Variants in DPF3 observed in about 807,000 individuals in gnomAD.
DPF3 encodes the protein zinc finger protein DPF3.
DPF3 carries 18 observed loss-of-function variants against 56.8 expected under a neutral mutation model. The observed-to-expected ratio is 0.32, with a 90% CI of 0.22 to 0.47. DPF3 has a LOEUF of 0.47. Ranked by LOEUF, DPF3 falls within the 20% of genes least tolerant of loss-of-function variation. The probability of loss-of-function intolerance (pLI) is 1.00; values close to 1 mark genes in which losing one functional copy is unlikely to be tolerated. For missense variants in DPF3, 403 were observed against 488.8 expected (o/e 0.82, Z 1.65); for synonymous variants, 188 against 180.2 (o/e 1.04, Z -0.35).
At chr14:72,834,356 G>T (rs956955197) in intron 1 of DPF3, among the ~76,000 whole-genome samples, 2 of 151,914 alleles carry the variant, frequency 1.3e-5, no homozygotes, top group Non-Finnish European at 2.9e-5. Context: ...AATTAGCTGG[G>T]CATGGTGGCA....
intron 6 of DPF3, among the ~76,000 whole-genome samples, chr14:72,701,606 G>A (rs1213166538): frequency 6.6e-6 from 1 of 152,216 alleles, no homozygotes; most frequent in Admixed American, 6.5e-5. Context: ...CAAAGCCGCT[G>A]CAGCAGACAG....
chr14:72,879,490 T>A (rs1397505027), intron 1 of DPF3, among the ~76,000 whole-genome samples: 6 of 151,312 alleles, frequency 4.0e-5, no homozygotes, highest in Non-Finnish European at 7.4e-5. Context: ...GAGAGAAGAG[T>A]ATGTTCAGCT....
intron 1 of DPF3, among the ~76,000 whole-genome samples, chr14:72,782,863 T>C (rs1011805308): frequency 6.6e-6 from 1 of 150,938 alleles, no homozygotes; most frequent in Non-Finnish European, 1.5e-5. Context: ...AATCAGGCCA[T>C]GGCATTCTCT....
At chr14:72,679,557 C>G (rs1056297574) in intron 7 of DPF3, among the ~76,000 whole-genome samples, 1 of 152,188 alleles carries the variant, frequency 6.6e-6, no homozygotes, top group African/African-American at 2.4e-5. Flanking sequence ...TGAGCAGAGC[C>G]CTCTGGGAAG....
chr14:72,736,943 C>G (rs1030212549), intron 3 of DPF3, among the ~76,000 whole-genome samples: 5 of 151,878 alleles, frequency 3.3e-5, no homozygotes, highest in African/African-American at 1.2e-4. Context: ...GTTACTCTCT[C>G]CAGAGCGGCA....
At chr14:72,695,595 G>T (rs547223914) in intron 6 of DPF3, among the ~76,000 whole-genome samples, 51 of 152,276 alleles carry the variant, frequency 3.3e-4, no homozygotes, top group African/African-American at 1.2e-3. Context: ...CAAAGGACAT[G>T]ATTTTGTTCT....
intron 8 of DPF3, among the ~76,000 whole-genome samples, chr14:72,631,912 A>C (rs1198829959): frequency 2.0e-5 from 3 of 152,246 alleles, no homozygotes; most frequent in Admixed American, 6.5e-5. Flanking sequence ...TTAAGCTGAT[A>C]TGTGTCAGAT....
intron 8 of DPF3, among the ~76,000 whole-genome samples, chr14:72,653,870 G>A (rs1482285397): frequency 6.6e-6 from 1 of 152,140 alleles, no homozygotes; most frequent in Non-Finnish European, 1.5e-5. Context: ...TTTATCAGTT[G>A]GGTAAATATC....
intron 7 of DPF3, among the ~76,000 whole-genome samples, chr14:72,685,762 C>T (rs1205818786): frequency 6.6e-6 from 1 of 152,212 alleles, no homozygotes; most frequent in African/African-American, 2.4e-5. Flanking sequence ...GTACCATTGC[C>T]ACTGTTGCTG....
intron 1 of DPF3, among the ~76,000 whole-genome samples, chr14:72,804,846 C>A (rs1055978954): frequency 1.3e-5 from 2 of 152,102 alleles, no homozygotes; most frequent in Admixed American, 1.3e-4. Context: ...TCATGGAAGA[C>A]AGAGACAAGA....
At chr14:72,717,330 T>C (rs1249224526) in intron 5 of DPF3, among the ~76,000 whole-genome samples, 2 of 152,224 alleles carry the variant, frequency 1.3e-5, no homozygotes, top group East Asian at 3.9e-4. Flanking sequence ...AACTGTAAAA[T>C]GAGCACACCA....
chr14:72,737,210 C>CA lies in DPF3; in HGVS notation c.302-5277dup, dbSNP rs991802363. 6.1e-3 allele frequency among the ~76,000 whole-genome samples: 905 copies of CA among 149,064 alleles called. 14 individuals are homozygous for CA. Among genetic ancestry groups the CA allele is most frequent in the African/African-American group, 0.021 (837 of 40,784 alleles). ...AAAAGCAAAAAAACAAACAAACAAACAAAAAAAACCACACACACACACAGA... is the reference window on the plus strand; with the variant it reads ...AAAAGCAAAAAAACAAACAAACAAACAAAAAAAAACCACACACACACACAGA... On this transcript the variant is annotated intron_variant, in intron 3 of 10. Coordinates refer to ENST00000556509, the MANE Select transcript of DPF3 (RefSeq NM_001280542.3).
intron 7 of DPF3, among the ~76,000 whole-genome samples, chr14:72,676,225 A>G (rs1227057654): frequency 6.6e-6 from 1 of 152,214 alleles, no homozygotes; most frequent in East Asian, 1.9e-4. Context: ...TAGATATAAA[A>G]TGTGGAGATG....
At position 72,803,440 on chromosome 14, in the gene DPF3, T is replaced by G. The variant is rs531220466; in HGVS notation, c.33-31547A>C. ...AGAAACAGATATTACCACAAAACAC[T>G]CCAAGGGAAATCTCACTACAAAAAA... On this transcript the variant is annotated intron_variant, in intron 1 of 10. Transcript: ENST00000556509. 5.9e-5 allele frequency among the ~76,000 whole-genome samples: 9 copies of G among 152,148 alleles called. No homozygotes were observed. In the East Asian group the frequency reaches 1.7e-3, roughly 29 times the overall value.
rs1397486915 is a variant in DPF3, at chr14:72,614,634, C to T, written c.*4663G>A. Among the ~76,000 whole-genome samples the T allele has an allele frequency of 6.6e-6, 1 of 152,080 alleles. No individual in the cohort carries two copies. Among genetic ancestry groups the T allele is most frequent in the Non-Finnish European group, 1.5e-5 (1 of 68,022 alleles). Reference sequence around the variant, plus strand: ...CTGGGTGAGGGGCTTACTTTGCCCTCAGAAGCATCCCTGAAACCCCACACA... The same window carrying T: ...CTGGGTGAGGGGCTTACTTTGCCCTTAGAAGCATCCCTGAAACCCCACACA... On this transcript the variant is annotated 3_prime_UTR_variant, in exon 11 of 11. Transcript: ENST00000556509.
rs1884105695 is a variant in DPF3, at chr14:72,616,573, T to G, written c.*2724A>C. On this transcript the variant is annotated 3_prime_UTR_variant, in exon 11 of 11. Coordinates refer to ENST00000556509, the MANE Select transcript of DPF3 (RefSeq NM_001280542.3). ...CAAGCATGGCTCTGCAGTGCTTGTT[T>G]ATGTAACATGATGCTTAAGAGTCCC... Among the ~76,000 whole-genome samples, 1 of 152,182 alleles carries G rather than the reference T, an allele frequency of 6.6e-6. No homozygotes were observed.
In DPF3 at chr14:72,613,562, G is replaced by A. The variant is rs1883889532; in HGVS notation, c.*5735C>T. ...TTGGCACTGGAGCAGAGAAAGGGAA[G>A]GAGTGGGGACAGAAGCTGGAACAAA... is the stretch of plus-strand genomic sequence containing the variant. On this transcript the variant is annotated 3_prime_UTR_variant, in exon 11 of 11. Transcript: ENST00000556509. Among the ~76,000 whole-genome samples the A allele has an allele frequency of 6.6e-6, 1 of 152,248 alleles. No individual in the cohort carries two copies.
chr14:72,893,651 A>T lies in DPF3; in HGVS notation c.32+406T>A, dbSNP rs569879082. ...CTCGGCCAAGTACACCGAGGCGGCC[A>T]CTGCCCGACGCTCGCCCCCCGCCCA... On this transcript the variant is annotated intron_variant, in intron 1 of 10. Transcript: ENST00000556509. Among the ~76,000 whole-genome samples the T allele has an allele frequency of 4.6e-5, 7 of 151,516 alleles. No individual in the cohort carries two copies. The South Asian group carries it at 1.5e-3, about 32-fold the overall frequency.
At chr14:72,852,634 T>G (rs548309390) in intron 1 of DPF3, among the ~76,000 whole-genome samples, 72 of 152,384 alleles carry the variant, frequency 4.7e-4, no homozygotes, top group Admixed American at 1.1e-3. Context: ...ATACATTTAT[T>G]CGACCTTTAA....
Sources: allele counts gnomAD v4.1 joint callset (sites outside exome capture counted in the v4.1 genomes callset), GRCh38; gene constraint gnomAD v4.1.1; transcripts MANE v1.5; gene names NCBI Gene and HGNC (gene_info 2026-07-23, HGNC 2026-07-21).